The following PRRC2B variants were observed in gnomAD, a reference collection of about 807,000 sequenced individuals.
PRRC2B encodes proline rich coiled-coil 2B.
In PRRC2B, 68 loss-of-function variants were observed where a neutral mutation model predicts 242.3. That is an observed-to-expected ratio of 0.28 (90% CI 0.23 to 0.34). PRRC2B has a LOEUF of 0.34. PRRC2B is among the 10% of genes least tolerant of loss of function. The pLI, the probability that PRRC2B is intolerant of heterozygous loss-of-function variation, is 1.00. For missense variants in PRRC2B, 2,835 were observed against 2,954.8 expected, an observed-to-expected ratio of 0.96 and a Z score of 0.94; for synonymous variants, 1,228 against 1,173.6, an observed-to-expected ratio of 1.05 and a Z score of -0.95.
Position 131,476,440 on chromosome 9 carries a change from G to A in PRRC2B, c.4311G>A (p.Pro1437=), listed in dbSNP as rs377656490. The part of the protein sequence containing the change: ...VVDRQSRKLE[P]GGFGEKPVRP... ...ACAGACAGAGCCGAAAGCTGGAGCC[G>A]GGAGGGTTTGGGGAGAAGCCCGTTA... The change falls in exon 16 of 32, where the codon CCG becomes CCA. Residue 1437 remains proline, a synonymous_variant. Transcript: ENST00000683519. 1.1e-5 allele frequency: 18 copies of A among 1,612,730 alleles called. No individual in the cohort carries two copies. The African/African-American group carries it at 1.6e-4, about 14-fold the overall frequency.
chr9:131,490,149 T>C (rs1393711873), intron 28 of PRRC2B, among the ~76,000 whole-genome samples: 1 of 151,946 alleles, frequency 6.6e-6, no homozygotes, highest in South Asian at 2.1e-4. Context: ...ATCTCAAGAC[T>C]CATCATATTC....
chr9:131,381,896 T>G (rs1023515786), intron 1 of PRRC2B, among the ~76,000 whole-genome samples: 1 of 148,984 alleles, frequency 6.7e-6, no homozygotes, highest in Non-Finnish European at 1.5e-5. Context: ...CGTACCACCA[T>G]GCCTGGCTAA....
intron 1 of PRRC2B, among the ~76,000 whole-genome samples, chr9:131,407,494 T>A (rs1837397489): frequency 6.6e-6 from 1 of 152,172 alleles, no homozygotes; most frequent in Non-Finnish European, 1.5e-5. Context: ...TCCCTGGCCC[T>A]TATTTTGGAT....
chr9:131,421,952 G>A (rs1484393321), intron 1 of PRRC2B, among the ~76,000 whole-genome samples: 1 of 151,920 alleles, frequency 6.6e-6, no homozygotes, highest in African/African-American at 2.4e-5. Context: ...TCAGTCTGCA[G>A]CCTGGTGGCG....
At chr9:131,463,506 T>C (rs4740243) in intron 11 of PRRC2B, among the ~76,000 whole-genome samples, 148,965 of 152,266 alleles carry the variant, frequency 0.98, 72,963 homozygotes, top group East Asian at 1. Flanking sequence ...TCATTTGTCC[T>C]GTTGCCAGGT....
At chr9:131,465,848 C>T (rs1370895355) in intron 12 of PRRC2B, among the ~76,000 whole-genome samples, 6 of 152,232 alleles carry the variant, frequency 3.9e-5, no homozygotes, top group Non-Finnish European at 8.8e-5. Flanking sequence ...GCTCAGCCTC[C>T]TGAGCTGCTG....
At chr9:131,441,513 A>C (rs1424292892) in intron 5 of PRRC2B, among the ~76,000 whole-genome samples, 1 of 152,236 alleles carries the variant, frequency 6.6e-6, no homozygotes, top group East Asian at 1.9e-4. Flanking sequence ...AAACATAGCA[A>C]GACCCTTTCT....
chr9:131,404,696 C>G (rs188112851), intron 1 of PRRC2B, among the ~76,000 whole-genome samples: 87 of 152,310 alleles, frequency 5.7e-4, no homozygotes, highest in African/African-American at 1.9e-3. Flanking sequence ...TGCCCTTTCA[C>G]GTGATAAAAT....
At position 131,422,435 on chromosome 9, in the gene PRRC2B, G is replaced by A. The variant is rs1411621237; in HGVS notation, c.-51-7659G>A. Among the ~76,000 whole-genome samples, 6 of 152,218 alleles carry A rather than the reference G, an allele frequency of 3.9e-5. No homozygotes were observed. The South Asian group carries it at 1.2e-3, about 32-fold the overall frequency. On this transcript the variant is annotated intron_variant, in intron 1 of 31. Transcript: ENST00000683519. ...CAGGCAGTAGTATCTTCCAGAAAGT[G>A]CTGTTATGAAGGGGAGTAGAGCACA...
At chr9:131,484,868 A>G in intron 24 of PRRC2B, 78 bp downstream of exon 24, 1 of 1,564,804 alleles carries the variant, frequency 6.4e-7, no homozygotes, top group Non-Finnish European at 8.7e-7. Context: ...GAGTCCCCGA[A>G]CCCCTAAAGC....
rs1943906587 is a variant in PRRC2B at position 131,482,789 on chromosome 9, A to G, written c.5255A>G (p.Lys1752Arg). The G allele has an allele frequency of 2.5e-6, 4 of 1,610,996 alleles. No homozygotes were observed. The highest frequency in any genetic ancestry group is 1.3e-5 in the African/African-American group (1 of 74,970). Reference sequence around the variant, plus strand: ...AACGAGCGTTCTCTGAAAAACAGAAAGGGCTCGGAGGGGGCCGAGCGGCTG... The same window carrying G: ...AACGAGCGTTCTCTGAAAAACAGAAGGGGCTCGGAGGGGGCCGAGCGGCTG... ...IGNERSLKNR[K>R]GSEGAERLQG... Residue 1752 changes from lysine to arginine, a missense_variant, in exon 22 of 32, where the codon AAG becomes AGG. Physicochemically the swap from Lys to Arg is conservative, Grantham distance 26. This residue lies in a region of PRRC2B where 574 missense variants were observed against 626.0 expected (regional missense o/e 0.92). Coordinates refer to ENST00000683519, the MANE Select transcript of PRRC2B (RefSeq NM_013318.4). The surrounding 1 kb of genome is among the most constrained non-coding windows in gnomAD (Gnocchi z 5.2).
chr9:131,405,805 C>A (rs1241915579), intron 1 of PRRC2B, among the ~76,000 whole-genome samples: 1 of 152,120 alleles, frequency 6.6e-6, no homozygotes, highest in East Asian at 1.9e-4. Context: ...TGGAGAGTAG[C>A]TCTCCCTTGC....
At position 131,438,995 on chromosome 9, in the gene PRRC2B, A is replaced by G. The variant is rs755074264; in HGVS notation, c.403A>G (p.Asn135Asp). ...PTQSISQENT[N>D]SVPGGPKSWA... Reference sequence around the variant, plus strand: ...ATTCTCTTCCTTCTTTCAGAATACAAATTCAGTGCCAGGTGGACCAAAGTC... The same window carrying G: ...ATTCTCTTCCTTCTTTCAGAATACAGATTCAGTGCCAGGTGGACCAAAGTC... Residue 135 changes from asparagine (N) to aspartate (D), a missense_variant, in exon 5 of 32, where the codon AAT becomes GAT. By Grantham distance (23) the Asn-to-Asp change is conservative. This residue lies in a region of PRRC2B where 626 missense variants were observed against 685.5 expected (regional missense o/e 0.91). Transcript: ENST00000683519. 3 of 1,612,848 alleles carry G rather than the reference A, an allele frequency of 1.9e-6. No homozygotes were observed. Among genetic ancestry groups the G allele is most frequent in the East Asian group, 2.2e-5 (1 of 44,862 alleles).
rs1360481483 is a variant in PRRC2B, at chr9:131,475,996, A to G, written c.3867A>G (p.Ala1289=). Reference sequence around the variant, plus strand: ...CCTTCTTCCAAGATGAACACGTGGCAGATTCTGAAAATGCAGAGAACCGGC... The same window carrying G: ...CCTTCTTCCAAGATGAACACGTGGCGGATTCTGAAAATGCAGAGAACCGGC... ...KRSFFQDEHV[A]DSENAENRPF... The change falls in exon 16 of 32, where the codon GCA becomes GCG. Residue 1289 remains alanine, a synonymous_variant. Coordinates refer to ENST00000683519, the MANE Select transcript of PRRC2B (RefSeq NM_013318.4). The G allele has an allele frequency of 6.2e-7, 1 of 1,607,090 alleles. No individual in the cohort carries two copies. Among genetic ancestry groups the G allele is most frequent in the Non-Finnish European group, 8.5e-7 (1 of 1,174,648 alleles).
At chr9:131,439,196 A>T (rs1311605643) in intron 5 of PRRC2B, 135 bp downstream of exon 5, 4 of 714,604 alleles carry the variant, frequency 5.6e-6, no homozygotes, top group Non-Finnish European at 9.8e-6. Flanking sequence ...CCGTCTATGG[A>T]GCCCTTGCCT....
At chr9:131,454,941 C>G in intron 9 of PRRC2B, 135 bp from the exon 10 acceptor site, 1 of 639,544 alleles carries the variant, frequency 1.6e-6, no homozygotes, top group Non-Finnish European at 2.8e-6. Context: ...TCAGTCTGGT[C>G]TCAAACTCCT....
At chr9:131,429,994 G>C (rs1277949228) in intron 1 of PRRC2B, 100 bp from the exon 2 acceptor site, 1 of 609,596 alleles carries the variant, frequency 1.6e-6, no homozygotes, top group Non-Finnish European at 2.9e-6. Context: ...TCCATGATTC[G>C]TGAAGGATTC....
intron 25 of PRRC2B, among the ~76,000 whole-genome samples, chr9:131,485,473 G>A (rs1446533000): frequency 6.6e-6 from 1 of 152,190 alleles, no homozygotes; most frequent in Non-Finnish European, 1.5e-5. Flanking sequence ...CCGAGCCACA[G>A]TGTCCTCTCC....
At chr9:131,479,803 T>G (rs1287698331) in intron 19 of PRRC2B, among the ~76,000 whole-genome samples, 1 of 151,674 alleles carries the variant, frequency 6.6e-6, no homozygotes, top group Non-Finnish European at 1.5e-5. Context: ...CTGTGCACCC[T>G]TTTCTTAACA....
Sources: gnomAD v4.1 joint callset for allele counts (sites outside exome capture counted in the v4.1 genomes callset) on GRCh38, gnomAD v4.1.1 for gene constraint, gnomAD v4.1.1 regional missense constraint, Gnocchi (gnomAD v3.1) non-coding constraint, MANE v1.5 for transcripts, NCBI Gene and HGNC (gene_info 2026-07-23, HGNC 2026-07-21) for gene names.